The following EFCAB5 variants were observed in gnomAD, a reference collection of about 807,000 sequenced individuals.
EFCAB5 encodes EF-hand calcium-binding domain-containing protein 5.
EFCAB5 carries 131 observed loss-of-function variants against 167.9 expected under a neutral mutation model. The observed-to-expected ratio is 0.78, with a 90% confidence interval of 0.68 to 0.90. EFCAB5 has a LOEUF of 0.90. EFCAB5 is among the 40% of genes least tolerant of loss of function. EFCAB5 has a pLI of 0.00. For missense variants in EFCAB5, 1,663 were observed against 1,745.2 expected (o/e 0.95, Z 0.84); for synonymous variants, 574 against 602.8 (o/e 0.95, Z 0.70).
In EFCAB5 at chr17:30,054,033, T is replaced by A; in HGVS notation, c.2079T>A (p.Ile693=). ...KYGEPITSEY[I]EVPLQEKRSW... ...GGGAACCTATAACCTCTGAGTACATTGAAGTCCCTCTACAGGAAAAGAGGT... is the reference window on the plus strand; with the variant it reads ...GGGAACCTATAACCTCTGAGTACATAGAAGTCCCTCTACAGGAAAAGAGGT... Residue 693 remains isoleucine, a synonymous_variant, in exon 10 of 23, where the codon ATT becomes ATA. Transcript: ENST00000394835. The A allele has an allele frequency of 6.2e-7, 1 of 1,606,550 alleles. No homozygotes were observed. Among genetic ancestry groups the A allele is most frequent in the Non-Finnish European group, 8.5e-7 (1 of 1,175,842 alleles).
intron 14 of EFCAB5, chr17:30,069,042 T>C: frequency 7.1e-7 from 1 of 1,400,958 alleles, no homozygotes; most frequent in South Asian, 1.2e-5. Context: ...TGGATTTCAT[T>C]GAAGATTACT....
At chr17:30,105,818 G>T (rs2071442578) in intron 22 of EFCAB5, among the ~76,000 whole-genome samples, 1 of 152,160 alleles carries the variant, frequency 6.6e-6, no homozygotes, top group African/African-American at 2.4e-5. Flanking sequence ...GTGTGTGTGT[G>T]TGCGTGTGTG....
intron 22 of EFCAB5, among the ~76,000 whole-genome samples, chr17:30,096,675 A>ATTTTTTTTTTTTTTTTT (rs1411827299): frequency 1.4e-5 from 1 of 71,854 alleles, no homozygotes; most frequent in African/African-American, 7.5e-5. Flanking sequence ...ATATATATAT[A>ATTTTTTTTTTTTTTTTT]TATTTTTTTT....
At chr17:29,985,480 G>A (rs746127400) in intron 4 of EFCAB5, among the ~76,000 whole-genome samples, 1 of 152,326 alleles carries the variant, frequency 6.6e-6, no homozygotes, top group South Asian at 2.1e-4. Flanking sequence ...AAAGTGTGGA[G>A]TGGGAAATAA....
chr17:30,013,848 T>C (rs528451806), intron 7 of EFCAB5, among the ~76,000 whole-genome samples: 2 of 152,228 alleles, frequency 1.3e-5, no homozygotes, highest in Non-Finnish European at 2.9e-5. Flanking sequence ...CTGCTAGCTT[T>C]TGAATTTGTT....
chr17:29,944,596 G>A (rs1342232921), intron 3 of EFCAB5, among the ~76,000 whole-genome samples: 1 of 144,668 alleles, frequency 6.9e-6, no homozygotes, highest in Non-Finnish European at 1.5e-5. Context: ...GGGTTTTGTT[G>A]TTGTTTTTTT....
intron 7 of EFCAB5, among the ~76,000 whole-genome samples, chr17:30,017,440 A>T (rs1232182894): frequency 6.7e-6 from 1 of 148,214 alleles, no homozygotes; most frequent in East Asian, 1.9e-4. Flanking sequence ...ATACTACGCC[A>T]CTACAGATAG....
chr17:29,950,277 T>A (rs1327044758), intron 3 of EFCAB5, among the ~76,000 whole-genome samples: 2 of 143,420 alleles, frequency 1.4e-5, no homozygotes, highest in East Asian at 1.9e-4. Context: ...CTTTCTTCCT[T>A]TCCTTCCTTC....
At chr17:29,959,897 G>T (rs1802870257) in intron 3 of EFCAB5, among the ~76,000 whole-genome samples, 1 of 152,118 alleles carries the variant, frequency 6.6e-6, no homozygotes. Flanking sequence ...ACAGCACCAA[G>T]ACTTGCCCAG....
intron 4 of EFCAB5, among the ~76,000 whole-genome samples, chr17:29,975,092 A>G (rs977810401): frequency 2.0e-5 from 3 of 152,028 alleles, no homozygotes; most frequent in Non-Finnish European, 4.4e-5. Flanking sequence ...AAAATATAAC[A>G]ACCCCTCAGC....
chr17:30,078,133 C>A, intron 14 of EFCAB5, 82 bp from the exon 15 acceptor site: 2 of 1,436,994 alleles, frequency 1.4e-6, no homozygotes, highest in Non-Finnish European at 1.9e-6. Flanking sequence ...GGCTTCAGTT[C>A]ATCGTAAGAG....
intron 7 of EFCAB5, among the ~76,000 whole-genome samples, chr17:30,007,692 G>A (rs7220151): frequency 0.61 from 92,850 of 152,062 alleles, 30,293 homozygotes; most frequent in African/African-American, 0.85. Context: ...TCTGAAATCA[G>A]GGTGCATCAT....
chr17:30,088,562 G>A (rs1297107765), intron 19 of EFCAB5, among the ~76,000 whole-genome samples: 2 of 152,166 alleles, frequency 1.3e-5, no homozygotes, highest in Non-Finnish European at 2.9e-5. Context: ...CAGAGTTGGA[G>A]AGAAGGCAAA....
intron 7 of EFCAB5, among the ~76,000 whole-genome samples, chr17:30,010,067 T>C (rs2068862657): frequency 6.6e-6 from 1 of 152,208 alleles, no homozygotes; most frequent in Non-Finnish European, 1.5e-5. Context: ...TTTGGTTTTC[T>C]GTCCTTGTGA....
Position 30,073,390 on chromosome 17 carries a change from C to A in EFCAB5, c.2738-4825C>A, listed in dbSNP as rs184835109. On this transcript the variant is annotated intron_variant, in intron 14 of 22. Coordinates refer to ENST00000394835, the MANE Select transcript of EFCAB5 (RefSeq NM_198529.4). Reference sequence around the variant, plus strand: ...TCAGTATGAAAACTGTCAAAGATGGCAAAGCTGAAAGAATTTTACAGCAAG... The same window carrying A: ...TCAGTATGAAAACTGTCAAAGATGGAAAAGCTGAAAGAATTTTACAGCAAG... 4.9e-3 allele frequency among the ~76,000 whole-genome samples: 748 copies of A among 152,218 alleles called. 4 individuals are homozygous for A. The highest frequency in any genetic ancestry group is 8.6e-3 in the Admixed American group (132 of 15,290).
chr17:30,036,548 G>C (rs1013527176), intron 8 of EFCAB5, among the ~76,000 whole-genome samples: 83 of 151,428 alleles, frequency 5.5e-4, no homozygotes, highest in African/African-American at 1.9e-3. Flanking sequence ...CCCAACCTCA[G>C]CCTCCCAAAT....
At chr17:30,006,707 T>G (rs1381284700) in intron 7 of EFCAB5, among the ~76,000 whole-genome samples, 1 of 152,254 alleles carries the variant, frequency 6.6e-6, no homozygotes, top group Non-Finnish European at 1.5e-5. Flanking sequence ...TGGGGTGCAT[T>G]GGCACAATTT....
At chr17:30,005,344 C>G (rs2068753875) in intron 7 of EFCAB5, among the ~76,000 whole-genome samples, 1 of 152,024 alleles carries the variant, frequency 6.6e-6, no homozygotes, top group African/African-American at 2.4e-5. Flanking sequence ...TTGTCTCAAA[C>G]AAATAAAAGT....
chr17:30,078,467 A>G lies in EFCAB5; in HGVS notation c.2990A>G (p.Glu997Gly), dbSNP rs748384640. Residue 997 changes from glutamate (E) to glycine (G), a missense_variant, in exon 15 of 23, where the codon GAG becomes GGG. By Grantham distance (98) the Glu-to-Gly change is moderately conservative (BLOSUM62 -2). Coordinates refer to ENST00000394835, the MANE Select transcript of EFCAB5 (RefSeq NM_198529.4). ...GCAGAGACAAGTGGGGTGTCCCTAG[A>G]GCCGGTGTATAGTGAGACCTTTAAG... ...CAAETSGVSL[E>G]PVYSETFKAL... The G allele has an allele frequency of 6.2e-7, 1 of 1,612,966 alleles. No individual in the cohort carries two copies. Among genetic ancestry groups the G allele is most frequent in the Non-Finnish European group, 8.5e-7 (1 of 1,179,328 alleles).
Sources: allele counts gnomAD v4.1 joint callset (sites outside exome capture counted in the v4.1 genomes callset), GRCh38; gene constraint gnomAD v4.1.1; transcripts MANE v1.5; gene names NCBI Gene and HGNC (gene_info 2026-07-23, HGNC 2026-07-21).